TSC22D1: variants seen among roughly 807,000 people sequenced by gnomAD.
TSC22D1 encodes the protein TSC22 domain family member 1.
TSC22D1 carries 9 observed loss-of-function variants against 74.2 expected under a neutral mutation model. The observed-to-expected ratio is 0.12, with a 90% CI of 0.07 to 0.21. The LOEUF is 0.21. Ranked by LOEUF, TSC22D1 falls within the 10% of genes least tolerant of loss-of-function variation. TSC22D1 has a pLI of 1.00. For missense variants in TSC22D1, 1,427 were observed against 1,304.7 expected (o/e 1.09, Z -1.44); for synonymous variants, 586 against 492.5 (o/e 1.19, Z -2.51).
chr13:44,462,722 T>C (rs1050722861), intron 1 of TSC22D1, among the ~76,000 whole-genome samples: 1 of 152,158 alleles, frequency 6.6e-6, no homozygotes, highest in African/African-American at 2.4e-5. Flanking sequence ...GTAGTTGATA[T>C]AGGCTCTATT....
chr13:44,462,710 A>AAGT (rs1877064086), intron 1 of TSC22D1, among the ~76,000 whole-genome samples: 1 of 152,164 alleles, frequency 6.6e-6, no homozygotes, highest in African/African-American at 2.4e-5. Context: ...TGGGTGCTTT[A>AAGT]AGTAGTTGAT....
intron 1 of TSC22D1, among the ~76,000 whole-genome samples, chr13:44,547,788 A>T (rs982645296): frequency 3.3e-5 from 5 of 152,108 alleles, no homozygotes; most frequent in African/African-American, 7.2e-5. Flanking sequence ...TTATGCTTTT[A>T]AAAAAAGAGA....
chr13:44,455,965 T>G (rs1225492129), intron 1 of TSC22D1, among the ~76,000 whole-genome samples: 1 of 152,184 alleles, frequency 6.6e-6, no homozygotes, highest in African/African-American at 2.4e-5. Flanking sequence ...AGACCATTGA[T>G]ATGCAGTAAA....
At chr13:44,517,829 G>GTATATATATATATATA (rs1555269397) in intron 1 of TSC22D1, among the ~76,000 whole-genome samples, 11 of 14,134 alleles carry the variant, frequency 7.8e-4, no homozygotes, top group Non-Finnish European at 9.1e-4. Context: ...GTGTGTGTGT[G>GTATATATATATATATA]TATATATATA....
At chr13:44,474,145 G>A in intron 1 of TSC22D1, 1 of 721,914 alleles carries the variant, frequency 1.4e-6, no homozygotes, top group Non-Finnish European at 1.7e-6. Context: ...GCTTTTCAAG[G>A]TACTAGGCAG....
chr13:44,434,351 A>G lies in TSC22D1; in HGVS notation c.*275T>C. 6 of 1,374,740 alleles carry G rather than the reference A, an allele frequency of 4.4e-6. No homozygotes were observed. Among genetic ancestry groups the G allele is most frequent in the Non-Finnish European group, 5.6e-6 (6 of 1,073,148 alleles). The allele number at this position is 1,374,740 out of a possible 1,614,324, so 85.2% of individuals were successfully genotyped here. A position where few individuals can be genotyped will look rare whatever the true frequency, so the allele number is the denominator to read the frequency against. ...GGCACACAGCTCCTGAGCATGAATT[A>G]AACCATTTCTCAGATATCTGCCAAG... On this transcript the variant is annotated 3_prime_UTR_variant, in exon 3 of 3. Transcript: ENST00000458659.
intron 1 of TSC22D1, chr13:44,474,325 C>A (rs537664967): frequency 1.0e-6 from 1 of 975,786 alleles, no homozygotes; most frequent in Non-Finnish European, 1.2e-6. Context: ...GGTGGACAAA[C>A]AAGTGCTTCA....
rs114032011 is a variant in TSC22D1 at position 44,525,233 on chromosome 13, C to T, written c.2912+47930G>A. Among the ~76,000 whole-genome samples, 1,465 of 152,312 alleles carry T rather than the reference C, an allele frequency of 9.6e-3. 27 individuals are homozygous for T. The highest frequency in any genetic ancestry group is 0.054 in the Middle Eastern group (16 of 294). On this transcript the variant is annotated intron_variant, in intron 1 of 2. Transcript: ENST00000458659. Reference sequence around the variant, plus strand: ...ACTATTCTCCCCGCTCCACAACACTCATCTTACTACAATCAACAGAGCTCC... The same window carrying T: ...ACTATTCTCCCCGCTCCACAACACTTATCTTACTACAATCAACAGAGCTCC...
intron 1 of TSC22D1, among the ~76,000 whole-genome samples, chr13:44,530,974 A>G (rs940206221): frequency 6.6e-6 from 1 of 152,318 alleles, no homozygotes. Context: ...TTACCATATG[A>G]TCCAGCCATC....
At chr13:44,546,724 GT>G (rs1471015300) in intron 1 of TSC22D1, among the ~76,000 whole-genome samples, 73 of 141,916 alleles carry the variant, frequency 5.1e-4, no homozygotes, top group African/African-American at 1.8e-3. Flanking sequence ...TGGGTGACAG[GT>G]ATATGGGAAT....
intron 1 of TSC22D1, among the ~76,000 whole-genome samples, chr13:44,450,476 A>G (rs549692984): frequency 3.9e-5 from 6 of 152,312 alleles, no homozygotes; most frequent in African/African-American, 1.4e-4. Flanking sequence ...AATGTATAAG[A>G]CTACAAGAGA....
At chr13:44,504,131 A>G (rs949016455) in intron 1 of TSC22D1, among the ~76,000 whole-genome samples, 14 of 151,538 alleles carry the variant, frequency 9.2e-5, no homozygotes, top group African/African-American at 3.4e-4. Flanking sequence ...TGTAAAATGT[A>G]CAAATGAAAA....
intron 1 of TSC22D1, among the ~76,000 whole-genome samples, chr13:44,442,111 T>C (rs1875253747): frequency 6.6e-6 from 1 of 152,198 alleles, no homozygotes; most frequent in South Asian, 2.1e-4. Flanking sequence ...AAGGGAAAAA[T>C]GAGTCCTAGA....
rs998515475 is a variant in TSC22D1, at chr13:44,436,367, A to G, written c.2913-272T>C. On this transcript the variant is annotated intron_variant, in intron 1 of 2. Coordinates refer to ENST00000458659, the MANE Select transcript of TSC22D1 (RefSeq NM_183422.4). Reference sequence around the variant, plus strand: ...CAGACTTGCAAAAATAAGGTTTTTTAACATTTCGAAAAACAACATCCATGT... The same window carrying G: ...CAGACTTGCAAAAATAAGGTTTTTTGACATTTCGAAAAACAACATCCATGT... 9 of 1,240,112 alleles carry G rather than the reference A, an allele frequency of 7.3e-6. No homozygotes were observed. The Admixed American group carries it at 1.1e-4, about 16-fold the overall frequency. The allele number at this position is 1,240,112 out of a possible 1,614,324, so 76.8% of individuals were successfully genotyped here.
chr13:44,438,999 C>G (rs919291599), intron 1 of TSC22D1, among the ~76,000 whole-genome samples: 3 of 152,142 alleles, frequency 2.0e-5, no homozygotes, highest in Non-Finnish European at 4.4e-5. Context: ...TTTTTAAATT[C>G]CAAGCTGCAG....
At chr13:44,445,332 A>AG (rs1875552046) in intron 1 of TSC22D1, among the ~76,000 whole-genome samples, 1 of 151,846 alleles carries the variant, frequency 6.6e-6, no homozygotes, top group Non-Finnish European at 1.5e-5. Context: ...CAACTGCAAA[A>AG]AAAAAAAATA....
intron 1 of TSC22D1, chr13:44,539,514 T>C: frequency 1.0e-6 from 1 of 985,396 alleles, no homozygotes; most frequent in Non-Finnish European, 1.2e-6. Context: ...GTTTTAAAAT[T>C]CCTGTGGACT....
rs1000203173 is a variant in TSC22D1, at chr13:44,432,256, GA to G, written c.*2369del. The G allele has an allele frequency of 9.9e-5, 15 of 151,638 alleles. No individual in the cohort carries two copies. Among genetic ancestry groups the G allele is most frequent in the Non-Finnish European group, 1.5e-4 (10 of 67,910 alleles). 9.4% of individuals were successfully genotyped at this position (151,638 alleles called of 1,614,324 possible). On this transcript the variant is annotated 3_prime_UTR_variant, in exon 3 of 3. Coordinates refer to ENST00000458659, the MANE Select transcript of TSC22D1 (RefSeq NM_183422.4). ...ACCCAAAGTTCCATTAAATAATGGAGAAAAAAACTTCTCCACCATCTTAATA... is the reference window on the plus strand; with the variant it reads ...ACCCAAAGTTCCATTAAATAATGGAGAAAAAACTTCTCCACCATCTTAATA...
intron 1 of TSC22D1, among the ~76,000 whole-genome samples, chr13:44,488,981 TAAAGAA>T (rs1878577417): frequency 6.6e-6 from 1 of 151,080 alleles, no homozygotes; most frequent in Non-Finnish European, 1.5e-5. Flanking sequence ...CATGGCATCT[TAAAGAA>T]GAAGAAAGTG....
Sources: allele counts gnomAD v4.1 joint callset (sites outside exome capture counted in the v4.1 genomes callset), GRCh38; gene constraint gnomAD v4.1.1; transcripts MANE v1.5; gene names NCBI Gene and HGNC (gene_info 2026-07-23, HGNC 2026-07-21).